GALNT13: variants seen among roughly 807,000 people sequenced by gnomAD.
GALNT13 encodes the protein UDP-GalNAc:polypeptide N-acetylgalactosaminyltransferase 13.
In GALNT13, 28 loss-of-function variants were observed where a neutral mutation model predicts 64.2. The observed-to-expected ratio is 0.44, with a 90% CI of 0.32 to 0.60. The LOEUF (loss-of-function observed/expected upper bound fraction) is 0.60, where lower values mean the gene tolerates loss of function less well. Among genes scored for constraint, GALNT13 ranks in the 20% least tolerant of loss-of-function variants. The pLI is 0.05. For synonymous variants in GALNT13, 214 were observed against 224.6 expected (o/e 0.95, Z 0.42); for missense variants, 577 against 669.8 (o/e 0.86, Z 1.53).
the GALNT13 span, among the ~76,000 whole-genome samples, chr2:153,346,278 T>C: frequency 7.9e-5 from 12 of 152,164 alleles, no homozygotes; most frequent in East Asian, 1.5e-3. Context: ...TTACCAAATC[T>C]TCTATAGCCT....
the GALNT13 span, among the ~76,000 whole-genome samples, chr2:153,773,069 C>G: frequency 6.6e-6 from 1 of 152,244 alleles, no homozygotes; most frequent in Non-Finnish European, 1.5e-5. Context: ...TGGATGGCCA[C>G]TGCAGTTGCC....
chr2:153,722,337 T>C, the GALNT13 span, among the ~76,000 whole-genome samples: 1 of 140,220 alleles, frequency 7.1e-6, no homozygotes, highest in African/African-American at 2.8e-5. Flanking sequence ...TAGCACTAAA[T>C]GCCCACAAGA....
intron 4 of GALNT13, among the ~76,000 whole-genome samples, chr2:154,174,719 A>G (rs749600529): frequency 7.9e-5 from 12 of 152,132 alleles, no homozygotes; most frequent in African/African-American, 1.2e-4. Flanking sequence ...GACTTTTTAC[A>G]TTTCTCATTG....
intron 3 of GALNT13, among the ~76,000 whole-genome samples, chr2:154,037,556 G>A (rs777896960): frequency 6.6e-6 from 1 of 151,986 alleles, no homozygotes; most frequent in Non-Finnish European, 1.5e-5. Context: ...TGGGAAAGAG[G>A]AAGTCAAATT....
At chr2:153,294,448 GCA>G in the GALNT13 span, among the ~76,000 whole-genome samples, 1 of 152,294 alleles carries the variant, frequency 6.6e-6, no homozygotes, top group East Asian at 1.9e-4. Flanking sequence ...ATACTGTGGA[GCA>G]CAGTTTTACA....
the GALNT13 span, among the ~76,000 whole-genome samples, chr2:153,740,882 C>T: frequency 1.3e-5 from 2 of 152,224 alleles, no homozygotes; most frequent in Non-Finnish European, 2.9e-5. Context: ...TTAGCTCTCT[C>T]CTTTGCAATA....
At chr2:154,314,722 G>A (rs1019831596) in intron 9 of GALNT13, among the ~76,000 whole-genome samples, 1 of 152,116 alleles carries the variant, frequency 6.6e-6, no homozygotes, top group East Asian at 1.9e-4. Context: ...AACTAATTGA[G>A]TGAGAACTCA....
At chr2:154,338,571 G>A (rs1473486699) in intron 9 of GALNT13, among the ~76,000 whole-genome samples, 2 of 152,068 alleles carry the variant, frequency 1.3e-5, no homozygotes, top group African/African-American at 4.8e-5. Context: ...GCCACATGAG[G>A]CAGCCCCACG....
intron 9 of GALNT13, among the ~76,000 whole-genome samples, chr2:154,336,992 C>G (rs1205549433): frequency 6.6e-6 from 1 of 151,978 alleles, no homozygotes. Flanking sequence ...AATATACCAT[C>G]TCCAATTATT....
chr2:154,315,714 C>G (rs1377396842), intron 9 of GALNT13, among the ~76,000 whole-genome samples: 1 of 152,130 alleles, frequency 6.6e-6, no homozygotes, highest in Non-Finnish European at 1.5e-5. Context: ...TTATATTTTA[C>G]AAATTGATTT....
chr2:153,804,907 A>G, the GALNT13 span, among the ~76,000 whole-genome samples: 1 of 152,092 alleles, frequency 6.6e-6, no homozygotes, highest in Non-Finnish European at 1.5e-5. Context: ...TAAAGGAAAC[A>G]CTGTTAATAA....
At chr2:154,326,305 T>G (rs931955796) in intron 9 of GALNT13, among the ~76,000 whole-genome samples, 1 of 150,512 alleles carries the variant, frequency 6.6e-6, no homozygotes, top group African/African-American at 2.5e-5. Flanking sequence ...TATGATTACT[T>G]TATATAGAAG....
chr2:153,749,600 T>C, the GALNT13 span, among the ~76,000 whole-genome samples: 1 of 152,050 alleles, frequency 6.6e-6, no homozygotes, highest in Non-Finnish European at 1.5e-5. Context: ...TATGTGGCTA[T>C]TGTAAATGGG....
chr2:153,364,005 C>T, the GALNT13 span, among the ~76,000 whole-genome samples: 1 of 152,118 alleles, frequency 6.6e-6, no homozygotes, highest in Non-Finnish European at 1.5e-5. Flanking sequence ...TACTAGCAAT[C>T]CAAATCCAGC....
At chr2:153,703,221 C>A in the GALNT13 span, among the ~76,000 whole-genome samples, 2,347 of 152,242 alleles carry the variant, frequency 0.015, 63 homozygotes, top group East Asian at 0.12. Context: ...CACATTTAAT[C>A]TTTCCAAATG....
chr2:153,787,805 A>G, the GALNT13 span, among the ~76,000 whole-genome samples: 2 of 152,210 alleles, frequency 1.3e-5, no homozygotes, highest in East Asian at 1.9e-4. Flanking sequence ...GCAATTGCCA[A>G]TATTAACAGC....
chr2:154,288,461 A>T (rs1692406733), intron 8 of GALNT13, among the ~76,000 whole-genome samples: 1 of 152,150 alleles, frequency 6.6e-6, no homozygotes, highest in African/African-American at 2.4e-5. Context: ...TCATTTCAGC[A>T]TTAACTCAAA....
intron 4 of GALNT13, among the ~76,000 whole-genome samples, chr2:154,167,717 G>A (rs1685113011): frequency 6.6e-6 from 1 of 152,056 alleles, no homozygotes; most frequent in South Asian, 2.1e-4. Context: ...CACATATGTG[G>A]GTATAAGTAG....
the GALNT13 span, among the ~76,000 whole-genome samples, chr2:153,460,106 T>C: frequency 5.3e-5 from 8 of 152,120 alleles, no homozygotes; most frequent in Non-Finnish European, 8.8e-5. Flanking sequence ...TGTTGCTATT[T>C]TGTGATATTT....
Sources: gnomAD v4.1 joint callset for allele counts (sites outside exome capture counted in the v4.1 genomes callset) on GRCh38, gnomAD v4.1.1 for gene constraint, MANE v1.5 for transcripts, NCBI Gene and HGNC (gene_info 2026-07-23, HGNC 2026-07-21) for gene names.